Variants in KHDRBS2 observed in about 807,000 individuals in gnomAD.
KHDRBS2 encodes the protein KH domain-containing, RNA-binding, signal transduction-associated protein 2.
In KHDRBS2, 26 loss-of-function variants were observed where a neutral mutation model predicts 44.3. The observed-to-expected ratio is 0.59, with a 90% CI of 0.43 to 0.81. The LOEUF (loss-of-function observed/expected upper bound fraction) is 0.81, where lower values mean the gene tolerates loss of function less well. KHDRBS2 is among the 40% of genes least tolerant of loss of function. KHDRBS2 has a pLI of 0.00. For missense variants in KHDRBS2, 476 were observed against 433.1 expected (o/e 1.10, Z -0.88); for synonymous variants, 194 against 151.1 (o/e 1.28, Z -2.08).
chr6:61,872,898 T>C (rs2127306028), intron 6 of KHDRBS2, among the ~76,000 whole-genome samples: 1 of 152,282 alleles, frequency 6.6e-6, no homozygotes, highest in East Asian at 1.9e-4. Flanking sequence ...AAAACTGCTC[T>C]ATATGAGATG....
chr6:62,216,322 T>G (rs1829967213), intron 1 of KHDRBS2, among the ~76,000 whole-genome samples: 1 of 151,764 alleles, frequency 6.6e-6, no homozygotes, highest in African/African-American at 2.4e-5. Context: ...CAAGAATAGG[T>G]TGATTGACAC....
chr6:61,754,739 G>GA (rs1208658817), intron 6 of KHDRBS2, among the ~76,000 whole-genome samples: 1 of 151,420 alleles, frequency 6.6e-6, no homozygotes, highest in Non-Finnish European at 1.5e-5. Context: ...GGATGCAACA[G>GA]AAAAAATGAA....
At chr6:62,189,894 A>G (rs1313209865) in intron 1 of KHDRBS2, among the ~76,000 whole-genome samples, 1 of 152,164 alleles carries the variant, frequency 6.6e-6, no homozygotes, top group Admixed American at 6.6e-5. Flanking sequence ...GTGAGACCTA[A>G]TAAGAGATGT....
At chr6:62,261,322 T>A (rs1838300813) in intron 1 of KHDRBS2, among the ~76,000 whole-genome samples, 1 of 151,884 alleles carries the variant, frequency 6.6e-6, no homozygotes, top group South Asian at 2.1e-4. Context: ...TACTTAACAG[T>A]TCTGCACTGG....
intron 6 of KHDRBS2, among the ~76,000 whole-genome samples, chr6:61,737,014 A>C (rs1435550497): frequency 4.2e-4 from 64 of 152,088 alleles, no homozygotes; most frequent in Admixed American, 4.2e-3. Context: ...GTCATTTAAC[A>C]AATATATATT....
chr6:62,240,454 G>A (rs1834411653), intron 1 of KHDRBS2, among the ~76,000 whole-genome samples: 1 of 151,620 alleles, frequency 6.6e-6, no homozygotes, highest in Non-Finnish European at 1.5e-5. Flanking sequence ...TGTTGCTCTT[G>A]AGGTGTCATT....
intron 6 of KHDRBS2, among the ~76,000 whole-genome samples, chr6:61,779,409 C>T (rs1381893479): frequency 6.6e-6 from 1 of 151,894 alleles, no homozygotes; most frequent in Non-Finnish European, 1.5e-5. Flanking sequence ...GTATGGGAAC[C>T]ACTGGATTAA....
At chr6:62,132,701 T>C (rs192110663) in intron 2 of KHDRBS2, among the ~76,000 whole-genome samples, 51 of 152,296 alleles carry the variant, frequency 3.3e-4, no homozygotes, top group African/African-American at 1.2e-3. Flanking sequence ...GAAAGATGCT[T>C]AGTAGAAACA....
At chr6:62,070,708 A>T (rs892277701) in intron 2 of KHDRBS2, among the ~76,000 whole-genome samples, 4 of 152,136 alleles carry the variant, frequency 2.6e-5, no homozygotes, top group Non-Finnish European at 4.4e-5. Context: ...CATGGTGTAT[A>T]TGTGCCACAT....
At chr6:61,728,334 G>T (rs1348957235) in intron 7 of KHDRBS2, among the ~76,000 whole-genome samples, 1 of 151,810 alleles carries the variant, frequency 6.6e-6, no homozygotes, top group Admixed American at 6.6e-5. Context: ...ATAGCTAATG[G>T]ATGCTGGGCT....
the KHDRBS2 span, among the ~76,000 whole-genome samples, chr6:61,613,860 T>A: frequency 2.0e-5 from 3 of 152,150 alleles, no homozygotes; most frequent in Admixed American, 6.5e-5. Context: ...AACAGCAACA[T>A]TGGGACATTT....
intron 6 of KHDRBS2, among the ~76,000 whole-genome samples, chr6:61,834,174 A>T (rs1392316886): frequency 6.6e-6 from 1 of 152,004 alleles, no homozygotes; most frequent in Non-Finnish European, 1.5e-5. Flanking sequence ...TATATTACTA[A>T]ACATTAATAT....
intron 1 of KHDRBS2, among the ~76,000 whole-genome samples, chr6:62,220,589 A>T (rs114006987): frequency 0.011 from 1,692 of 151,962 alleles, 32 homozygotes; most frequent in African/African-American, 0.039. Flanking sequence ...ACTTATATTG[A>T]TCAGGAGGAA....
At chr6:61,737,788 C>T (rs987062665) in intron 6 of KHDRBS2, among the ~76,000 whole-genome samples, 17 of 151,854 alleles carry the variant, frequency 1.1e-4, no homozygotes, top group African/African-American at 3.9e-4. Flanking sequence ...ACTCATAAGA[C>T]GTAGGGAAGA....
At chr6:62,070,332 C>A (rs1332827251) in intron 2 of KHDRBS2, among the ~76,000 whole-genome samples, 1 of 97,110 alleles carries the variant, frequency 1.0e-5, no homozygotes, top group Admixed American at 9.6e-5. Flanking sequence ...AAAGTGTTCA[C>A]TTCTTTTTTT....
intron 2 of KHDRBS2, among the ~76,000 whole-genome samples, chr6:62,105,992 G>A (rs1277762318): frequency 6.6e-6 from 1 of 152,054 alleles, no homozygotes; most frequent in Non-Finnish European, 1.5e-5. Flanking sequence ...TGTTCCCGTT[G>A]GTTTCAAAGA....
chr6:62,227,211 G>A (rs892601398), intron 1 of KHDRBS2, among the ~76,000 whole-genome samples: 5 of 152,148 alleles, frequency 3.3e-5, no homozygotes, highest in Non-Finnish European at 5.9e-5. Flanking sequence ...GAAGCGGTTT[G>A]TAGTTCCCTT....
intron 6 of KHDRBS2, among the ~76,000 whole-genome samples, chr6:61,810,182 CT>C (rs1787884011): frequency 6.6e-6 from 1 of 151,964 alleles, no homozygotes; most frequent in African/African-American, 2.4e-5. Flanking sequence ...CTGCAATGGC[CT>C]CTGTATGGTA....
At chr6:61,945,104 AAAAAAAAAG>A (rs1273107754) in intron 4 of KHDRBS2, among the ~76,000 whole-genome samples, 3 of 69,574 alleles carry the variant, frequency 4.3e-5, no homozygotes, top group Admixed American at 2.0e-4. Flanking sequence ...AAAAAAAAAA[AAAAAAAAAG>A]TATATATATA....
Sources: gnomAD v4.1 joint callset for allele counts (sites outside exome capture counted in the v4.1 genomes callset) on GRCh38, gnomAD v4.1.1 for gene constraint, MANE v1.5 for transcripts, NCBI Gene and HGNC (gene_info 2026-07-23, HGNC 2026-07-21) for gene names.